Variants in ENTREP2 observed in about 807,000 individuals in gnomAD.
ENTREP2 encodes endosomal transmembrane epsin interactor 2, also known as protein ENTREP2.
chr15:29,235,747 C>T, the ENTREP2 span, among the ~76,000 whole-genome samples: 41 of 152,214 alleles, frequency 2.7e-4, no homozygotes, highest in East Asian at 6.2e-3. Flanking sequence ...GGGTGGATCA[C>T]GAGGTCAGGA....
At chr15:29,464,490 C>T in the ENTREP2 span, among the ~76,000 whole-genome samples, 1 of 152,144 alleles carries the variant, frequency 6.6e-6, no homozygotes, top group Non-Finnish European at 1.5e-5. Context: ...AAGCTACACA[C>T]CAATAAGCCT....
At chr15:29,317,598 T>C in the ENTREP2 span, among the ~76,000 whole-genome samples, 2 of 152,206 alleles carry the variant, frequency 1.3e-5, no homozygotes, top group Non-Finnish European at 2.9e-5. Context: ...TGCTGGCTTA[T>C]TAAAATGCTT....
At chr15:29,241,260 G>C in the ENTREP2 span, among the ~76,000 whole-genome samples, 1 of 152,198 alleles carries the variant, frequency 6.6e-6, no homozygotes. Flanking sequence ...ACTCTCTGCT[G>C]CCTTTCAAAG....
chr15:29,175,334 G>C, the ENTREP2 span, among the ~76,000 whole-genome samples: 2 of 152,228 alleles, frequency 1.3e-5, no homozygotes, highest in Middle Eastern at 6.3e-3. Context: ...GTAACGCTTA[G>C]CACACAGCAA....
the ENTREP2 span, among the ~76,000 whole-genome samples, chr15:29,475,280 C>T: frequency 3.3e-5 from 5 of 152,144 alleles, no homozygotes; most frequent in African/African-American, 9.7e-5. Flanking sequence ...GCTGCATCTG[C>T]GCACGCTCTT....
the ENTREP2 span, among the ~76,000 whole-genome samples, chr15:29,289,161 C>T: frequency 1.3e-5 from 2 of 150,278 alleles, no homozygotes; most frequent in African/African-American, 4.9e-5. Flanking sequence ...GAGCCAAGAT[C>T]ACGCCACTGC....
the ENTREP2 span, among the ~76,000 whole-genome samples, chr15:29,455,707 C>T: frequency 1.3e-5 from 2 of 152,156 alleles, no homozygotes; most frequent in Admixed American, 1.3e-4. Context: ...GGAATCAGGC[C>T]GCACTGCAGG....
chr15:29,352,335 A>G, the ENTREP2 span, among the ~76,000 whole-genome samples: 3 of 152,198 alleles, frequency 2.0e-5, no homozygotes, highest in East Asian at 5.8e-4. Context: ...GAAGGCGGTG[A>G]GAGCTAGCAA....
the ENTREP2 span, among the ~76,000 whole-genome samples, chr15:29,361,922 G>A: frequency 6.6e-6 from 1 of 152,146 alleles, no homozygotes; most frequent in Non-Finnish European, 1.5e-5. Flanking sequence ...CCCACACCTG[G>A]GGATACTAAG....
At chr15:29,131,652 A>C in the ENTREP2 span, among the ~76,000 whole-genome samples, 1 of 892 alleles carries the variant, frequency 1.1e-3, no homozygotes, top group Non-Finnish European at 2.6e-3. Flanking sequence ...CTCTACACGC[A>C]CCCCAGCCCA....
chr15:29,635,468 C>A, the ENTREP2 span, among the ~76,000 whole-genome samples: 2 of 152,162 alleles, frequency 1.3e-5, no homozygotes, highest in African/African-American at 4.8e-5. Context: ...GAGTCCTGCA[C>A]TGTAGGGCGG....
the ENTREP2 span, among the ~76,000 whole-genome samples, chr15:29,625,126 A>T: frequency 0.15 from 22,535 of 151,972 alleles, 2,168 homozygotes; most frequent in African/African-American, 0.26. Flanking sequence ...AATATTTTTT[A>T]AAAAAACCAT....
chr15:29,519,290 C>T, the ENTREP2 span, among the ~76,000 whole-genome samples: 2 of 151,918 alleles, frequency 1.3e-5, no homozygotes, highest in Admixed American at 1.3e-4. Flanking sequence ...CAGGTTTGAA[C>T]TGGGCGAGTC....
chr15:29,234,392 A>C, the ENTREP2 span: 3 of 1,554,690 alleles, frequency 1.9e-6, no homozygotes, highest in Non-Finnish European at 2.7e-6. Context: ...CTTATTATTA[A>C]GATGGGAAGC....
chr15:29,657,437 CACACAGA>C, the ENTREP2 span, among the ~76,000 whole-genome samples: 1 of 141,446 alleles, frequency 7.1e-6, no homozygotes, highest in African/African-American at 2.8e-5. Context: ...AAGCTTCCAC[CACACAGA>C]AGTGGACCCC....
At chr15:29,253,258 C>G in the ENTREP2 span, among the ~76,000 whole-genome samples, 1 of 152,132 alleles carries the variant, frequency 6.6e-6, no homozygotes, top group South Asian at 2.1e-4. Context: ...GTTTCCCATC[C>G]ACTTTTTCCT....
the ENTREP2 span, among the ~76,000 whole-genome samples, chr15:29,603,193 TG>T: frequency 6.6e-6 from 1 of 152,282 alleles, no homozygotes; most frequent in South Asian, 2.1e-4. Context: ...GACCTGGCCC[TG>T]GGTGGAAGCA....
chr15:29,601,516 G>C, the ENTREP2 span, among the ~76,000 whole-genome samples: 1 of 142,866 alleles, frequency 7.0e-6, no homozygotes, highest in African/African-American at 2.6e-5. Context: ...ATTTATGTCT[G>C]TAAGTTTATT....
the ENTREP2 span, among the ~76,000 whole-genome samples, chr15:29,144,302 A>G: frequency 6.6e-5 from 10 of 152,246 alleles, no homozygotes; most frequent in Non-Finnish European, 1.2e-4. Flanking sequence ...GGAGAAATTC[A>G]TAGAAAGACA....
Sources: gnomAD v4.1 joint callset for allele counts (sites outside exome capture counted in the v4.1 genomes callset) on GRCh38, gnomAD v4.1.1 for gene constraint, MANE v1.5 for transcripts, NCBI Gene and HGNC (gene_info 2026-07-23, HGNC 2026-07-21) for gene names.